Variants in NEMP2 observed in about 807,000 individuals in gnomAD.
NEMP2 encodes the protein nuclear envelope integral membrane protein 2.
NEMP2 carries 53 observed loss-of-function variants against 54.2 expected under a neutral mutation model. The observed-to-expected ratio is 0.98, with a 90% CI of 0.78 to 1.23. The LOEUF (loss-of-function observed/expected upper bound fraction) is 1.23, where lower values mean the gene tolerates loss of function less well. Ranked by LOEUF, NEMP2 falls within the 50% of genes most tolerant of loss-of-function variation. NEMP2 has a pLI of 0.00. For missense variants in NEMP2, 455 were observed against 511.3 expected, an observed-to-expected ratio of 0.89 and a Z score of 1.06; for synonymous variants, 197 against 190.3, an observed-to-expected ratio of 1.04 and a Z score of -0.29.
the NEMP2 span, among the ~76,000 whole-genome samples, chr2:190,596,307 G>T: frequency 6.6e-6 from 1 of 152,144 alleles, no homozygotes; most frequent in Admixed American, 6.5e-5. The surrounding 1 kb of genome is among the most constrained non-coding windows in gnomAD (Gnocchi z 5.1). Context: ...TAGATGACAG[G>T]TTGACGGGTG....
chr2:190,618,067 A>C, the NEMP2 span, among the ~76,000 whole-genome samples: 1 of 152,224 alleles, frequency 6.6e-6, no homozygotes, highest in South Asian at 2.1e-4. Flanking sequence ...CGTAGGAGAG[A>C]CCTCTGAACG....
chr2:190,617,019 G>A, the NEMP2 span: 19 of 152,040 alleles, frequency 1.2e-4, no homozygotes, highest in African/African-American at 4.6e-4. The surrounding 1 kb of genome is among the most constrained non-coding windows in gnomAD (Gnocchi z 5.0). Flanking sequence ...CAGCTACTTG[G>A]CGGGACTGAC....
At chr2:190,483,283 A>G in the NEMP2 span, among the ~76,000 whole-genome samples, 312 of 152,278 alleles carry the variant, frequency 2.0e-3, 1 homozygote, top group African/African-American at 7.1e-3. Context: ...ACTATAGAAT[A>G]CTTCTAACAA....
At chr2:190,619,570 T>C in the NEMP2 span, among the ~76,000 whole-genome samples, 1 of 152,036 alleles carries the variant, frequency 6.6e-6, no homozygotes, top group South Asian at 2.1e-4. This position sits in a 1 kb window ranked among gnomAD's most constrained non-coding sequence, Gnocchi z 5.5. Context: ...AATCATGAGA[T>C]GAAGTTAAAA....
At chr2:190,642,495 T>C in the NEMP2 span, among the ~76,000 whole-genome samples, 2 of 152,176 alleles carry the variant, frequency 1.3e-5, no homozygotes, top group African/African-American at 4.8e-5. The surrounding 1 kb of genome is among the most constrained non-coding windows in gnomAD (Gnocchi z 4.1). Flanking sequence ...CTTGAAATTA[T>C]GAGTTATTAT....
chr2:190,456,104 C>T, the NEMP2 span, among the ~76,000 whole-genome samples: 1 of 151,598 alleles, frequency 6.6e-6, no homozygotes, highest in African/African-American at 2.4e-5. The surrounding 1 kb of genome is among the most constrained non-coding windows in gnomAD (Gnocchi z 5.4). Flanking sequence ...CCATGCCCAG[C>T]TAATTTTTAT....
chr2:190,605,916 T>C, the NEMP2 span, among the ~76,000 whole-genome samples: 38 of 152,338 alleles, frequency 2.5e-4, no homozygotes, highest in Non-Finnish European at 4.3e-4. Context: ...TTGGCCCCAC[T>C]AAAGTGAGAA....
chr2:190,446,386 C>T, the NEMP2 span, among the ~76,000 whole-genome samples: 38 of 152,228 alleles, frequency 2.5e-4, no homozygotes, highest in East Asian at 1.9e-4. Context: ...GTGTTCTGTC[C>T]GACAGAAAGG....
the NEMP2 span, among the ~76,000 whole-genome samples, chr2:190,629,300 T>C: frequency 6.6e-6 from 1 of 152,158 alleles, no homozygotes; most frequent in Non-Finnish European, 1.5e-5. Context: ...ATACGTATTA[T>C]GAAAAAACTA....
At chr2:190,500,116 A>C, downstream of NEMP2, 1 of 1,614,194 alleles carries the variant, frequency 6.2e-7, no homozygotes, top group South Asian at 1.1e-5. This position sits in a 1 kb window ranked among gnomAD's most constrained non-coding sequence, Gnocchi z 5.3. Flanking sequence ...CCCCTGACGC[A>C]GCAGCATCTC....
chr2:190,593,978 A>C, the NEMP2 span, among the ~76,000 whole-genome samples: 1 of 152,148 alleles, frequency 6.6e-6, no homozygotes, highest in Middle Eastern at 3.2e-3. The surrounding 1 kb of genome is among the most constrained non-coding windows in gnomAD (Gnocchi z 4.5). Context: ...TCACTTCTCC[A>C]CCTGTAACTC....
At chr2:190,619,664 G>A in the NEMP2 span, among the ~76,000 whole-genome samples, 3 of 152,052 alleles carry the variant, frequency 2.0e-5, no homozygotes, top group Non-Finnish European at 4.4e-5. The surrounding 1 kb of genome is among the most constrained non-coding windows in gnomAD (Gnocchi z 5.5). Flanking sequence ...GTCAAACCTG[G>A]GGTATGTGCA....
the NEMP2 span, among the ~76,000 whole-genome samples, chr2:190,585,026 A>G: frequency 6.6e-6 from 1 of 152,212 alleles, no homozygotes; most frequent in Non-Finnish European, 1.5e-5. This position sits in a 1 kb window ranked among gnomAD's most constrained non-coding sequence, Gnocchi z 5.3. Flanking sequence ...AGATGTTGAT[A>G]TCCCTGAGAA....
rs901127052 is a variant in NEMP2, at chr2:190,509,671, T to C, written c.1131-359A>G. Among the ~76,000 whole-genome samples, 3 of 152,240 alleles carry C rather than the reference T, an allele frequency of 2.0e-5. No individual in the cohort carries two copies. The highest frequency in any genetic ancestry group is 7.2e-5 in the African/African-American group (3 of 41,466). On this transcript the variant is annotated intron_variant, in intron 8 of 8. Coordinates refer to ENST00000409150, the MANE Select transcript of NEMP2 (RefSeq NM_001142645.2). This position sits in a 1 kb window ranked among gnomAD's most constrained non-coding sequence, Gnocchi z 6.1. ...CATCTTTAATTTGAGGGCACTGTTA[T>C]TTGGATAAAGTTATGAGGAAGAGAA... is the stretch of plus-strand genomic sequence containing the variant.
At chr2:190,555,985 G>T in the NEMP2 span, among the ~76,000 whole-genome samples, 1 of 152,176 alleles carries the variant, frequency 6.6e-6, no homozygotes, top group Non-Finnish European at 1.5e-5. The surrounding 1 kb of genome is among the most constrained non-coding windows in gnomAD (Gnocchi z 4.8). Context: ...TAGGAGGCCA[G>T]CATCGCCCTG....
the NEMP2 span, among the ~76,000 whole-genome samples, chr2:190,474,101 CA>C: frequency 6.6e-6 from 1 of 151,998 alleles, no homozygotes; most frequent in Non-Finnish European, 1.5e-5. Flanking sequence ...TAAATGCCCA[CA>C]AGAGAAAGCA....
the NEMP2 span, among the ~76,000 whole-genome samples, chr2:190,613,440 T>C: frequency 2.0e-5 from 3 of 152,200 alleles, no homozygotes; most frequent in African/African-American, 7.2e-5. Flanking sequence ...TCATTCTGTT[T>C]TGGGCTGAGT....
At chr2:190,596,699 A>G in the NEMP2 span, among the ~76,000 whole-genome samples, 1 of 152,208 alleles carries the variant, frequency 6.6e-6, no homozygotes, top group African/African-American at 2.4e-5. The surrounding 1 kb of genome is among the most constrained non-coding windows in gnomAD (Gnocchi z 5.1). Flanking sequence ...ATCAAGATAC[A>G]TATTTTTACC....
At chr2:190,535,533 C>A (rs1691347091), upstream of NEMP2, among the ~76,000 whole-genome samples, 1 of 152,192 alleles carries the variant, frequency 6.6e-6, no homozygotes. Context: ...ACTCAATATT[C>A]CATACTTAAC....
Sources: gnomAD v4.1 joint callset for allele counts (sites outside exome capture counted in the v4.1 genomes callset) on GRCh38, gnomAD v4.1.1 for gene constraint, Gnocchi (gnomAD v3.1) non-coding constraint, MANE v1.5 for transcripts, NCBI Gene and HGNC (gene_info 2026-07-23, HGNC 2026-07-21) for gene names.